Variants in LRP6 observed in about 807,000 individuals in gnomAD.
LRP6 encodes the protein LDL receptor related protein 6.
LRP6 carries 43 observed loss-of-function variants against 184.1 expected under a neutral mutation model. The ratio of observed to expected loss-of-function variants is 0.23; its 90% CI spans 0.18 to 0.30. The LOEUF is 0.30. Among genes scored for constraint, LRP6 ranks in the 10% least tolerant of loss-of-function variants. The pLI is 1.00. For synonymous variants in LRP6, 719 were observed against 684.9 expected (o/e 1.05, Z -0.78); for missense variants, 1,571 against 2,005.3 (o/e 0.78, Z 4.14).
At chr12:12,197,839 T>C (rs1340153371) in intron 3 of LRP6, among the ~76,000 whole-genome samples, 1 of 151,950 alleles carries the variant, frequency 6.6e-6, no homozygotes, top group Non-Finnish European at 1.5e-5. Context: ...AGTCCAAGAG[T>C]TCAAGACCAG....
intron 2 of LRP6, among the ~76,000 whole-genome samples, chr12:12,232,061 A>ATT (rs1864805374): frequency 6.6e-6 from 1 of 151,952 alleles, no homozygotes; most frequent in Non-Finnish European, 1.5e-5. Context: ...GATCTGTGCA[A>ATT]TTTACTGTAT....
intron 2 of LRP6, among the ~76,000 whole-genome samples, chr12:12,204,502 A>G (rs1863999774): frequency 6.6e-6 from 1 of 152,204 alleles, no homozygotes; most frequent in Non-Finnish European, 1.5e-5. Flanking sequence ...TATTGTAGTT[A>G]GGATACAGAG....
At position 12,162,274 on chromosome 12, in the gene LRP6, T is replaced by A. The variant is rs771900781; in HGVS notation, c.2198A>T (p.Lys733Met). The A allele has an allele frequency of 6.2e-7, 1 of 1,614,208 alleles. No homozygotes were observed. Among genetic ancestry groups the A allele is most frequent in the Non-Finnish European group, 8.5e-7 (1 of 1,180,034 alleles). Residue 733 changes from lysine (K) to methionine (M), a missense_variant, in exon 10 of 23, where the codon AAG becomes ATG. Around this residue, in one of 4 missense-constraint regions of LRP6, gnomAD observed 158 missense variants for 258.4 expected, o/e 0.61. Transcript: ENST00000261349. The stretch of plus-strand genomic sequence containing the variant: ...AACTTGTCGGTGCTGCCCATCCAAC[T>A]TTGACACCTCAATTCGATTCGTTCC... ...DTGTNRIEVS[K>M]LDGQHRQVLV...
At chr12:12,187,199 G>A in intron 3 of LRP6, 80 bp from the exon 4 acceptor site, 2 of 1,185,990 alleles carry the variant, frequency 1.7e-6, no homozygotes, top group Non-Finnish European at 2.5e-6. Flanking sequence ...CCATTAAAAT[G>A]ATCTTAGTTC....
intron 2 of LRP6, among the ~76,000 whole-genome samples, chr12:12,231,530 C>T (rs1864788619): frequency 6.6e-6 from 1 of 152,078 alleles, no homozygotes; most frequent in Non-Finnish European, 1.5e-5. Context: ...AGTACAGAAA[C>T]TCCCAACTTC....
chr12:12,217,870 G>A (rs988491629), intron 2 of LRP6, among the ~76,000 whole-genome samples: 1 of 152,086 alleles, frequency 6.6e-6, no homozygotes, highest in African/African-American at 2.4e-5. Context: ...AGGACATACA[G>A]AAATTAATTC....
chr12:12,160,322 C>T (rs954356576), intron 10 of LRP6, among the ~76,000 whole-genome samples: 3 of 152,196 alleles, frequency 2.0e-5, no homozygotes, highest in African/African-American at 4.8e-5. Context: ...ATCTGGTTCA[C>T]TTCTGAGTAA....
chr12:12,250,676 G>T (rs573195104), intron 1 of LRP6, among the ~76,000 whole-genome samples: 1 of 152,258 alleles, frequency 6.6e-6, no homozygotes, highest in South Asian at 2.1e-4. Context: ...AGGCTGGAGT[G>T]CAGTGGCACA....
intron 3 of LRP6, among the ~76,000 whole-genome samples, chr12:12,201,983 TATACTTTGAA>T (rs1240039142): frequency 6.6e-6 from 1 of 152,228 alleles, no homozygotes. Flanking sequence ...AAATGTTTAT[TATACTTTGAA>T]AAAATCCTAC....
intron 19 of LRP6, 137 bp downstream of exon 19, chr12:12,130,646 C>T: frequency 3.1e-6 from 2 of 639,646 alleles, no homozygotes. Context: ...CATAAAAAAA[C>T]CTTCACACAA....
At position 12,149,156 on chromosome 12, in the gene LRP6, A is replaced by AG. The variant is rs775635743; in HGVS notation, c.2995-4dup. On this transcript the variant is annotated splice_polypyrimidine_tract_variant and splice_region_variant and intron_variant, in intron 13 of 22. Transcript: ENST00000261349. ...GAGCTCACAACCACAGTAAAGCCCT[A>AG]GGGAAAAAAAGAAATACAGAGAAAA... 2.5e-6 allele frequency: 4 copies of AG among 1,612,868 alleles called. No individual in the cohort carries two copies. Among genetic ancestry groups the AG allele is most frequent in the Non-Finnish European group, 1.7e-6 (2 of 1,178,962 alleles).
At chr12:12,141,195 C>A (rs1949929550) in intron 15 of LRP6, among the ~76,000 whole-genome samples, 1 of 149,404 alleles carries the variant, frequency 6.7e-6, no homozygotes. Context: ...GAGGAAAGGG[C>A]TGGGGGAGGG....
At chr12:12,223,266 G>A (rs976530595) in intron 2 of LRP6, among the ~76,000 whole-genome samples, 15 of 150,012 alleles carry the variant, frequency 1.0e-4, no homozygotes, top group Non-Finnish European at 1.3e-4. Flanking sequence ...GAGCCTCCCA[G>A]AATGACTGGG....
rs1565519449 is a variant in LRP6, at chr12:12,120,039, AT to A, written c.*1086del. 183 of 118,662 alleles carry A rather than the reference AT, an allele frequency of 1.5e-3. 1 individual carries two copies. Among genetic ancestry groups the A allele is most frequent in the African/African-American group, 5.4e-3 (168 of 31,332 alleles). 7.4% of individuals were successfully genotyped at this position (118,662 alleles called of 1,614,324 possible). Reference sequence around the variant, plus strand: ...TATATATATATATATATATATATATATATAAATGATTTCGTACTGTGATATA... The same window carrying A: ...TATATATATATATATATATATATATAATAAATGATTTCGTACTGTGATATA... On this transcript the variant is annotated 3_prime_UTR_variant, in exon 23 of 23. Coordinates refer to ENST00000261349, the MANE Select transcript of LRP6 (RefSeq NM_002336.3).
chr12:12,168,656 T>TC (rs1388795684), intron 7 of LRP6, among the ~76,000 whole-genome samples: 1 of 152,170 alleles, frequency 6.6e-6, no homozygotes, highest in African/African-American at 2.4e-5. Context: ...CCTGTTCAGC[T>TC]TGTGTTAAAG....
At chr12:12,195,948 T>A (rs775540654) in intron 3 of LRP6, among the ~76,000 whole-genome samples, 5 of 152,294 alleles carry the variant, frequency 3.3e-5, no homozygotes, top group Middle Eastern at 3.4e-3. Flanking sequence ...GAAAAGACTA[T>A]CCTTTCCCCA....
At chr12:12,232,101 C>T (rs532447850) in intron 2 of LRP6, among the ~76,000 whole-genome samples, 34 of 151,922 alleles carry the variant, frequency 2.2e-4, no homozygotes, top group African/African-American at 9.6e-5. Context: ...GTTAAGTGGT[C>T]GGCTGGGCAC....
chr12:12,216,809 TACC>T (rs908394474), intron 2 of LRP6, among the ~76,000 whole-genome samples: 5 of 152,056 alleles, frequency 3.3e-5, no homozygotes, highest in African/African-American at 1.2e-4. Flanking sequence ...ATGATTATAT[TACC>T]ACCACATCCC....
intron 2 of LRP6, among the ~76,000 whole-genome samples, chr12:12,230,468 A>G (rs1445262360): frequency 6.6e-6 from 1 of 152,214 alleles, no homozygotes; most frequent in Non-Finnish European, 1.5e-5. Context: ...ATGTAATTAC[A>G]TACACAGGTG....
Sources: allele counts gnomAD v4.1 joint callset (sites outside exome capture counted in the v4.1 genomes callset), GRCh38; gene constraint gnomAD v4.1.1; regional missense constraint gnomAD v4.1.1; transcripts MANE v1.5; gene names NCBI Gene and HGNC (gene_info 2026-07-23, HGNC 2026-07-21).